Variants in B9D1 observed in about 807,000 individuals in gnomAD.
B9D1 encodes B9 domain containing 1, also known as B9 domain-containing protein 1.
B9D1 carries 20 observed loss-of-function variants against 26.1 expected under a neutral mutation model. The observed-to-expected ratio is 0.77, with a 90% CI of 0.54 to 1.12. The LOEUF (loss-of-function observed/expected upper bound fraction) is 1.12, where lower values mean the gene tolerates loss of function less well. Ranked by LOEUF, B9D1 falls within the 50% of genes most tolerant of loss-of-function variation. The probability of loss-of-function intolerance (pLI) is 0.00; values close to 1 mark genes in which losing one functional copy is unlikely to be tolerated. For synonymous variants in B9D1, 105 were observed against 103.1 expected (o/e 1.02, Z -0.11); for missense variants, 260 against 273.7 (o/e 0.95, Z 0.35).
At chr17:19,345,941 G>A (rs889406983) in intron 5 of B9D1, among the ~76,000 whole-genome samples, 2 of 152,232 alleles carry the variant, frequency 1.3e-5, no homozygotes, top group African/African-American at 4.8e-5. Context: ...TCCAGTTTTT[G>A]TAATCCAAGC....
At chr17:19,366,781 A>C (rs989932865), upstream of B9D1, among the ~76,000 whole-genome samples, 2 of 152,138 alleles carry the variant, frequency 1.3e-5, no homozygotes, top group Non-Finnish European at 2.9e-5. Context: ...GCTGAATTTC[A>C]CAAATGGTGC....
chr17:19,372,403 C>T lies in B9D1; in HGVS notation c.-298+5456G>A, dbSNP rs1348511274. 6.6e-6 allele frequency among the ~76,000 whole-genome samples: 1 copy of T among 152,234 alleles called. No homozygotes were observed. Among genetic ancestry groups the T allele is most frequent in the African/African-American group, 2.4e-5 (1 of 41,458 alleles). Reference sequence around the variant, plus strand: ...CTCGTCTCCATGTCTCTGTGACCCCCTCCCTCCTGCCACTTCCCTCTGGCC... The same window carrying T: ...CTCGTCTCCATGTCTCTGTGACCCCTTCCCTCCTGCCACTTCCCTCTGGCC... On this transcript the variant is annotated intron_variant, in intron 1 of 5. Transcript: ENST00000477478. This position sits in a 1 kb window ranked among gnomAD's most constrained non-coding sequence, Gnocchi z 4.4.
chr17:19,342,198 G>T (rs1380959428), downstream of B9D1, among the ~76,000 whole-genome samples: 1 of 152,210 alleles, frequency 6.6e-6, no homozygotes, highest in Non-Finnish European at 1.5e-5. Context: ...CTTCAGTAAG[G>T]CCAGAAGGCA....
chr17:19,368,179 G>A (rs1911697427), intron 1 of B9D1, among the ~76,000 whole-genome samples: 1 of 152,218 alleles, frequency 6.6e-6, no homozygotes, highest in African/African-American at 2.4e-5. Flanking sequence ...TCAACTTGCA[G>A]TGTGAGCCCA....
chr17:19,335,889 C>T (rs1316026976), downstream of B9D1: 1 of 154,474 alleles, frequency 6.5e-6, no homozygotes, highest in African/African-American at 2.4e-5. Flanking sequence ...AGGGGACATT[C>T]CCCCAATCCT....
Position 19,347,414 on chromosome 17 carries a change from C to A in B9D1, c.342-83G>T, listed in dbSNP as rs761830208. The A allele has an allele frequency of 2.2e-5, 34 of 1,523,494 alleles. No individual in the cohort carries two copies. Among genetic ancestry groups the A allele is most frequent in the Non-Finnish European group, 3.1e-5 (34 of 1,101,218 alleles). 94.4% of individuals were successfully genotyped at this position (1,523,494 alleles called of 1,614,324 possible). ...AGGGAGAAGAAACCCTCAGATCAGG[C>A]CAGTGCAGCTGCAGCGTGGGCCAAG... On this transcript the variant is annotated intron_variant, in intron 4 of 6. Coordinates refer to ENST00000261499, the MANE Select transcript of B9D1 (RefSeq NM_015681.6). This position sits in a 1 kb window ranked among gnomAD's most constrained non-coding sequence, Gnocchi z 4.3.
chr17:19,352,564 C>T (rs1909767942), intron 3 of B9D1, among the ~76,000 whole-genome samples: 1 of 147,848 alleles, frequency 6.8e-6, no homozygotes, highest in Non-Finnish European at 1.5e-5. Flanking sequence ...TCTTGTTGCC[C>T]AGGCTGGAGT....
upstream of B9D1, among the ~76,000 whole-genome samples, chr17:19,366,895 G>A (rs1598099412): frequency 6.6e-6 from 1 of 152,288 alleles, no homozygotes; most frequent in Middle Eastern, 3.4e-3. Flanking sequence ...TAGGTGGGCA[G>A]GTCCATGCAA....
chr17:19,353,109 G>A (rs1239201624), intron 3 of B9D1, among the ~76,000 whole-genome samples: 5 of 148,972 alleles, frequency 3.4e-5, no homozygotes, highest in Non-Finnish European at 7.4e-5. Context: ...CTGAGTAGCT[G>A]GGGCTACAGA....
At chr17:19,352,379 CTT>C (rs1397923288) in intron 3 of B9D1, among the ~76,000 whole-genome samples, 1 of 151,564 alleles carries the variant, frequency 6.6e-6, no homozygotes, top group Non-Finnish European at 1.5e-5. Context: ...GAGTTTCACT[CTT>C]TCGCCCAGAC....
At chr17:19,358,140 A>G (rs1278225101) in intron 2 of B9D1, among the ~76,000 whole-genome samples, 189 bp from the exon 3 acceptor site, 1 of 152,126 alleles carries the variant, frequency 6.6e-6, no homozygotes. Context: ...TTAACGCCGT[A>G]GCTTGACAAC....
At chr17:19,337,009 T>A (rs1425889854), downstream of B9D1, among the ~76,000 whole-genome samples, 3 of 152,238 alleles carry the variant, frequency 2.0e-5, no homozygotes, top group South Asian at 2.1e-4. Flanking sequence ...TAATGCGGCC[T>A]TGTCACTGGT....
chr17:19,337,855 C>A, downstream of B9D1: 1 of 501,288 alleles, frequency 2.0e-6, no homozygotes, highest in Non-Finnish European at 3.8e-6. Context: ...CCTCGGCCCC[C>A]ATCCAGATGT....
downstream of B9D1, among the ~76,000 whole-genome samples, chr17:19,337,206 G>T (rs1424259439): frequency 2.6e-5 from 4 of 151,658 alleles, no homozygotes; most frequent in Non-Finnish European, 5.9e-5. Flanking sequence ...GAGAGGAAGG[G>T]CCTGTTGGAG....
At chr17:19,346,806 A>G (rs1598054855) in intron 5 of B9D1, 1 of 894,234 alleles carries the variant, frequency 1.1e-6, no homozygotes, top group East Asian at 4.2e-5. Context: ...CCTGGCAGGC[A>G]CTGTTCCCTG....
chr17:19,362,539 G>A lies in B9D1; in HGVS notation c.31C>T (p.Leu11Phe), dbSNP rs1911252975. ...CTCTCCACCTGCCCGTTGACCATGA[G>A]TAGAAAGACGCTAGGACTCGCGGTC... MATASPSVFL[L>F]MVNGQVESAQ... The change falls in exon 1 of 7, where the codon CTC becomes TTC. Residue 11 changes from leucine to phenylalanine, a missense_variant. Physicochemically the swap from Leu to Phe is conservative, Grantham distance 22. Coordinates refer to ENST00000261499, the MANE Select transcript of B9D1 (RefSeq NM_015681.6). 3 of 1,587,930 alleles carry A rather than the reference G, an allele frequency of 1.9e-6. No homozygotes were observed. Among genetic ancestry groups the A allele is most frequent in the South Asian group, 1.1e-5 (1 of 87,332 alleles).
chr17:19,353,710 G>A (rs947029223), intron 3 of B9D1, among the ~76,000 whole-genome samples: 15 of 152,232 alleles, frequency 9.9e-5, no homozygotes, highest in Admixed American at 6.5e-5. Flanking sequence ...GGAGGCCGAG[G>A]TGGGCGGATC....
chr17:19,354,137 A>G (rs1304606495), intron 3 of B9D1, among the ~76,000 whole-genome samples: 1 of 152,154 alleles, frequency 6.6e-6, no homozygotes, highest in Non-Finnish European at 1.5e-5. Flanking sequence ...CTTATTTTTC[A>G]AACATATGGA....
In B9D1 at chr17:19,370,991, T is replaced by C. The variant is rs759181051; in HGVS notation, c.-298+6868A>G. 2.4e-4 allele frequency among the ~76,000 whole-genome samples: 37 copies of C among 152,200 alleles called. No homozygotes were observed. The highest frequency in any genetic ancestry group is 4.1e-4 in the South Asian group (2 of 4,834). On this transcript the variant is annotated intron_variant, in intron 1 of 5. Transcript: ENST00000477478. The surrounding 1 kb of genome is among the most constrained non-coding windows in gnomAD (Gnocchi z 5.1). The stretch of plus-strand genomic sequence containing the variant: ...TCAAGCCCCACTGCTTTCCACTGCT[T>C]TGGTGCCTTCGCCTCTCTGGGTGAA...
Sources: gnomAD v4.1 joint callset for allele counts (sites outside exome capture counted in the v4.1 genomes callset) on GRCh38, gnomAD v4.1.1 for gene constraint, Gnocchi (gnomAD v3.1) non-coding constraint, MANE v1.5 for transcripts, NCBI Gene and HGNC (gene_info 2026-07-23, HGNC 2026-07-21) for gene names.